ART1: variants seen among roughly 807,000 people sequenced by gnomAD.
The protein encoded by ART1 is ADP-ribosyltransferase 1.
ART1 carries 29 observed loss-of-function variants against 27.0 expected under a neutral mutation model. The ratio of observed to expected loss-of-function variants is 1.08; its 90% CI spans 0.80 to 1.47. The LOEUF is 1.47. Among genes scored for constraint, ART1 ranks in the 40% most tolerant of loss-of-function variants. ART1 has a pLI of 0.00. For missense variants in ART1, 480 were observed against 423.0 expected (o/e 1.13, Z -1.18); for synonymous variants, 201 against 172.2 (o/e 1.17, Z -1.31).
rs138078179 is a variant in ART1, at chr11:3,645,710, G to T, written c.-53+531G>T. Among the ~76,000 whole-genome samples, 14 of 152,280 alleles carry T rather than the reference G, an allele frequency of 9.2e-5. No individual in the cohort carries two copies. The East Asian group carries it at 1.7e-3, about 19-fold the overall frequency. On this transcript the variant is annotated intron_variant, in intron 1 of 4. Transcript: ENST00000250693. ...GTCCCTGCCCTCAAGGAACTCACTG[G>T]CCAGAAGAGGAGCCAGGCACATATA...
chr11:3,649,087 G>C (rs1014975202), intron 1 of ART1, among the ~76,000 whole-genome samples: 2 of 151,842 alleles, frequency 1.3e-5, no homozygotes, highest in African/African-American at 4.8e-5. Flanking sequence ...CGCTTTTCTG[G>C]AGGGTAAGAA....
At chr11:3,660,741 GAGT>G (rs2077614111) in intron 3 of ART1, among the ~76,000 whole-genome samples, 1 of 152,268 alleles carries the variant, frequency 6.6e-6, no homozygotes, top group Non-Finnish European at 1.5e-5. Context: ...TGCCAGAAAT[GAGT>G]AGGAGTCCCA....
chr11:3,661,306 C>T, intron 3 of ART1, 66 bp from the exon 4 acceptor site: 1 of 1,464,796 alleles, frequency 6.8e-7, no homozygotes, highest in Non-Finnish European at 9.4e-7. Flanking sequence ...ACTACCAGGG[C>T]TCTGAGGTCC....
chr11:3,650,860 C>T (rs979781436), intron 1 of ART1, among the ~76,000 whole-genome samples: 2 of 132,628 alleles, frequency 1.5e-5, no homozygotes, highest in Non-Finnish European at 3.4e-5. Context: ...CTTCCTCCTT[C>T]GCGACCGATC....
At chr11:3,647,316 G>A (rs1227636788) in intron 1 of ART1, among the ~76,000 whole-genome samples, 4 of 133,230 alleles carry the variant, frequency 3.0e-5, no homozygotes, top group African/African-American at 5.8e-5. Flanking sequence ...GCAAAACTCC[G>A]TCTCAAAAAA....
intron 1 of ART1, among the ~76,000 whole-genome samples, chr11:3,655,197 A>G (rs998615604): frequency 2.6e-5 from 4 of 152,214 alleles, no homozygotes; most frequent in Admixed American, 1.3e-4. Context: ...TCCAGACTAA[A>G]GAAGAATCTT....
intron 1 of ART1, among the ~76,000 whole-genome samples, chr11:3,653,032 C>T (rs1244193131): frequency 1.4e-5 from 2 of 147,956 alleles, no homozygotes; most frequent in Non-Finnish European, 2.9e-5. Flanking sequence ...CTAACAACCC[C>T]ACAATATCAC....
At position 3,659,673 on chromosome 11, in the gene ART1, G is replaced by T. The variant is rs753669568; in HGVS notation, c.154G>T (p.Gly52Cys). 1.2e-6 allele frequency: 2 copies of T among 1,613,948 alleles called. No homozygotes were observed. Among genetic ancestry groups the T allele is most frequent in the Non-Finnish European group, 1.7e-6 (2 of 1,180,032 alleles). ...GGCCTCCTTTGATGACCAGTACGCT[G>T]GCTGTGCTGCTGCCATGACAGCTGC... ...ALASFDDQYA[G>C]CAAAMTAALP... The change falls in exon 3 of 5, where the codon GGC (glycine) becomes TGC (cysteine). Residue 52 changes from glycine (G) to cysteine (C), a missense_variant. Coordinates refer to ENST00000250693, the MANE Select transcript of ART1 (RefSeq NM_004314.3).
rs781158044 is a variant in ART1, at chr11:3,659,188, A to G, written c.-26A>G. On this transcript the variant is annotated 5_prime_UTR_variant, in exon 2 of 5. Transcript: ENST00000250693. Reference sequence around the variant, plus strand: ...TGAGGAAACTGAGACCCAAAAAGAGACAGCAACTGGCCCAGGGTCACCAGC... The same window carrying G: ...TGAGGAAACTGAGACCCAAAAAGAGGCAGCAACTGGCCCAGGGTCACCAGC... 24 of 1,613,222 alleles carry G rather than the reference A, an allele frequency of 1.5e-5. No individual in the cohort carries two copies. Among genetic ancestry groups the G allele is most frequent in the East Asian group, 2.2e-5 (1 of 44,880 alleles).
In ART1 at chr11:3,650,085, T is replaced by C. The variant is rs1301907531; in HGVS notation, c.-53+4906T>C. 2.0e-5 allele frequency among the ~76,000 whole-genome samples: 3 copies of C among 152,198 alleles called. No homozygotes were observed. In the East Asian group the frequency reaches 5.8e-4, roughly 29 times the overall value. ...GCCAAGTAGCAATGTATTTCTGAGTTGCAACTACTTGTCTCCACTGTGAGA... is the reference window on the plus strand; with the variant it reads ...GCCAAGTAGCAATGTATTTCTGAGTCGCAACTACTTGTCTCCACTGTGAGA... On this transcript the variant is annotated intron_variant, in intron 1 of 4. Transcript: ENST00000250693.
At chr11:3,651,877 C>T (rs1026035507) in intron 1 of ART1, among the ~76,000 whole-genome samples, 6 of 150,806 alleles carry the variant, frequency 4.0e-5, no homozygotes, top group African/African-American at 1.5e-4. Flanking sequence ...CCCCATATTT[C>T]CTTCTTTCCT....
intron 4 of ART1, among the ~76,000 whole-genome samples, chr11:3,663,033 A>ATCATCTCATC (rs1554883211): frequency 0.032 from 2,612 of 82,368 alleles, 149 homozygotes; most frequent in East Asian, 0.086. Context: ...ATCTCATCTC[A>ATCATCTCATC]TCATCTCATC....
chr11:3,659,362 G>A (rs2077599133), intron 2 of ART1, 86 bp downstream of exon 2: 2 of 1,574,710 alleles, frequency 1.3e-6, no homozygotes, highest in East Asian at 2.2e-5. Context: ...AGAGAGAGAG[G>A]AAAGAATGCC....
chr11:3,654,881 C>G (rs888931211), intron 1 of ART1, among the ~76,000 whole-genome samples: 7 of 152,216 alleles, frequency 4.6e-5, no homozygotes, highest in Non-Finnish European at 8.8e-5. Context: ...CTCCTCCCCT[C>G]AAGCCTCTGA....
At chr11:3,663,598 AT>A (rs1031937100) in intron 4 of ART1, among the ~76,000 whole-genome samples, 1 of 151,812 alleles carries the variant, frequency 6.6e-6, no homozygotes, top group Non-Finnish European at 1.5e-5. Flanking sequence ...TATTAAAAAA[AT>A]TTTTTTTTGA....
intron 1 of ART1, among the ~76,000 whole-genome samples, chr11:3,655,056 T>C (rs1014227552): frequency 6.6e-6 from 1 of 152,176 alleles, no homozygotes; most frequent in Non-Finnish European, 1.5e-5. Context: ...GGTCTTTGGG[T>C]TGACGGCAAG....
chr11:3,662,299 G>A (rs986114026), intron 4 of ART1, among the ~76,000 whole-genome samples: 1 of 151,986 alleles, frequency 6.6e-6, no homozygotes, highest in Admixed American at 6.5e-5. Context: ...CTCTTCCCTC[G>A]GACACTTGGT....
At chr11:3,650,486 A>T (rs969799733) in intron 1 of ART1, among the ~76,000 whole-genome samples, 1 of 152,178 alleles carries the variant, frequency 6.6e-6, no homozygotes, top group Non-Finnish European at 1.5e-5. Context: ...CACAGTGGAA[A>T]GTAAGTCCGT....
Position 3,664,088 on chromosome 11 carries a change from G to A in ART1, c.887-4G>A, listed in dbSNP as rs745883802. On this transcript the variant is annotated splice_polypyrimidine_tract_variant and splice_region_variant and intron_variant, in intron 4 of 4. Transcript: ENST00000250693. Reference sequence around the variant, plus strand: ...CCCAACCTCTCTGCCTGTTTTCCCTGCAGCCATGGGTCAGAGCCCCCTCTC... The same window carrying A: ...CCCAACCTCTCTGCCTGTTTTCCCTACAGCCATGGGTCAGAGCCCCCTCTC... The A allele has an allele frequency of 9.9e-6, 16 of 1,613,234 alleles. No homozygotes were observed. The African/African-American group carries it at 2.0e-4, about 20-fold the overall frequency.
Sources: allele counts gnomAD v4.1 joint callset (sites outside exome capture counted in the v4.1 genomes callset), GRCh38; gene constraint gnomAD v4.1.1; transcripts MANE v1.5; gene names NCBI Gene and HGNC (gene_info 2026-07-23, HGNC 2026-07-21).